Variants in PABPC4L observed in about 807,000 individuals in gnomAD.
PABPC4L encodes poly(A) binding protein cytoplasmic 4 like.
For synonymous variants in PABPC4L, 169 were observed against 164.1 expected (o/e 1.03, Z -0.23); for missense variants, 452 against 451.4 (o/e 1.00, Z -0.01).
the PABPC4L span, among the ~76,000 whole-genome samples, chr4:134,159,351 T>G: frequency 6.6e-6 from 1 of 152,154 alleles, no homozygotes; most frequent in East Asian, 1.9e-4. Flanking sequence ...GAAACTCAGA[T>G]GAGTAATCAT....
the PABPC4L span, among the ~76,000 whole-genome samples, chr4:134,079,364 G>T: frequency 1.4e-4 from 21 of 150,978 alleles, no homozygotes; most frequent in African/African-American, 5.1e-4. Context: ...GGCGGATCAC[G>T]AGGTCGGAGA....
chr4:134,041,564 C>A, the PABPC4L span, among the ~76,000 whole-genome samples: 2 of 151,854 alleles, frequency 1.3e-5, no homozygotes, highest in African/African-American at 4.8e-5. Flanking sequence ...GCATCACACA[C>A]TGGGGCCTGT....
chr4:134,176,744 G>A, the PABPC4L span, among the ~76,000 whole-genome samples: 2 of 152,080 alleles, frequency 1.3e-5, no homozygotes, highest in Non-Finnish European at 2.9e-5. Flanking sequence ...GAAGCCAGGA[G>A]AACCTCTCTG....
intron 1 of PABPC4L, 37 bp from the exon 2 acceptor site, chr4:134,201,282 G>T (rs1729873982): frequency 1.4e-6 from 2 of 1,448,028 alleles, no homozygotes; most frequent in East Asian, 3.0e-5. Flanking sequence ...AGGACAAGAC[G>T]TTCCTTCCCC....
the PABPC4L span, among the ~76,000 whole-genome samples, chr4:134,076,441 T>C: frequency 6.6e-6 from 1 of 152,110 alleles, no homozygotes; most frequent in African/African-American, 2.4e-5. Context: ...GCAGTAACAG[T>C]GAAGATGGGA....
the PABPC4L span, among the ~76,000 whole-genome samples, chr4:133,975,178 G>A: frequency 1.3e-5 from 2 of 152,028 alleles, no homozygotes; most frequent in Non-Finnish European, 2.9e-5. Flanking sequence ...AAGGAATAAG[G>A]TACAAATATA....
the PABPC4L span, among the ~76,000 whole-genome samples, chr4:134,094,784 T>G: frequency 6.6e-6 from 1 of 151,660 alleles, no homozygotes; most frequent in Non-Finnish European, 1.5e-5. Context: ...ACTGGCTGAT[T>G]CTGAAATAGT....
chr4:134,144,233 A>G, the PABPC4L span, among the ~76,000 whole-genome samples: 1 of 151,620 alleles, frequency 6.6e-6, no homozygotes, highest in South Asian at 2.1e-4. Flanking sequence ...ATACCTTTGC[A>G]AAAGAAAGAA....
At chr4:134,107,017 A>G in the PABPC4L span, among the ~76,000 whole-genome samples, 1 of 151,524 alleles carries the variant, frequency 6.6e-6, no homozygotes, top group Non-Finnish European at 1.5e-5. Flanking sequence ...TTACCTAGCG[A>G]GGAATCTATC....
chr4:134,166,120 G>C, the PABPC4L span, among the ~76,000 whole-genome samples: 1 of 152,100 alleles, frequency 6.6e-6, no homozygotes, highest in African/African-American at 2.4e-5. Context: ...ACACCACAGA[G>C]GCAGAAGCCA....
chr4:134,188,906 T>C, the PABPC4L span, among the ~76,000 whole-genome samples: 1 of 152,028 alleles, frequency 6.6e-6, no homozygotes, highest in Non-Finnish European at 1.5e-5. Flanking sequence ...ATTCTCTCTT[T>C]CTTCTTCATT....
chr4:133,971,147 C>CGACA, the PABPC4L span, among the ~76,000 whole-genome samples: 2 of 112,934 alleles, frequency 1.8e-5, no homozygotes, highest in South Asian at 6.0e-4. Context: ...GAGTCTCACT[C>CGACA]TGTCGCCCAG....
the PABPC4L span, among the ~76,000 whole-genome samples, chr4:134,011,245 C>A: frequency 2.6e-5 from 4 of 152,026 alleles, 1 homozygote; most frequent in Admixed American, 2.6e-4. Flanking sequence ...AAATAAGTAG[C>A]ATCAGCTTCC....
the PABPC4L span, among the ~76,000 whole-genome samples, chr4:134,166,554 C>T: frequency 6.6e-6 from 1 of 152,108 alleles, no homozygotes; most frequent in Non-Finnish European, 1.5e-5. Context: ...CAGGTCACAC[C>T]AGCATCGCTT....
In PABPC4L at chr4:134,196,514, A is replaced by G. The variant is rs1206756829; in HGVS notation, c.*3393T>C. On this transcript the variant is annotated 3_prime_UTR_variant, in exon 2 of 2. Coordinates refer to ENST00000421491, the MANE Select transcript of PABPC4L (RefSeq NM_001114734.2). ...AATACATTTATTGAAATGGCTGTACATGTAAGCAGGTAACTACACAGCAGA... is the reference window on the plus strand; with the variant it reads ...AATACATTTATTGAAATGGCTGTACGTGTAAGCAGGTAACTACACAGCAGA... 6.6e-6 allele frequency: 1 copy of G among 151,792 alleles called. No homozygotes were observed. The highest frequency in any genetic ancestry group is 1.5e-5 in the Non-Finnish European group (1 of 67,718). The allele number at this position is 151,792 out of a possible 1,614,324, so 9.4% of individuals were successfully genotyped here. A position where few individuals can be genotyped will look rare whatever the true frequency, so the allele number is the denominator to read the frequency against.
chr4:133,949,885 T>C, the PABPC4L span, among the ~76,000 whole-genome samples: 21 of 152,170 alleles, frequency 1.4e-4, no homozygotes, highest in African/African-American at 5.1e-4. Flanking sequence ...GGAAGGTCAG[T>C]AGCCCTGCCT....
chr4:134,148,326 G>A, the PABPC4L span, among the ~76,000 whole-genome samples: 2 of 152,074 alleles, frequency 1.3e-5, no homozygotes, highest in South Asian at 2.1e-4. Flanking sequence ...GTTATTTATG[G>A]AATATCCCTT....
At chr4:134,024,362 T>C in the PABPC4L span, among the ~76,000 whole-genome samples, 1 of 152,108 alleles carries the variant, frequency 6.6e-6, no homozygotes, top group East Asian at 1.9e-4. Context: ...CAACAGATAT[T>C]TAATTTCTCA....
At chr4:134,128,997 G>A in the PABPC4L span, among the ~76,000 whole-genome samples, 1 of 151,970 alleles carries the variant, frequency 6.6e-6, no homozygotes, top group Non-Finnish European at 1.5e-5. Context: ...TCCACGCAAA[G>A]GGGCACCTAA....
Sources: gnomAD v4.1 joint callset for allele counts (sites outside exome capture counted in the v4.1 genomes callset) on GRCh38, gnomAD v4.1.1 for gene constraint, MANE v1.5 for transcripts, NCBI Gene and HGNC (gene_info 2026-07-23, HGNC 2026-07-21) for gene names.